The following AP2B1 variants were observed in gnomAD, a reference collection of about 807,000 sequenced individuals.
AP2B1 encodes AP-2 complex subunit beta.
A neutral mutation model predicts 102.0 loss-of-function variants in AP2B1; 23 were observed. That is an observed-to-expected ratio of 0.23 (90% CI 0.16 to 0.32). The LOEUF is 0.32. Among genes scored for constraint, AP2B1 ranks in the 10% least tolerant of loss-of-function variants. AP2B1 has a pLI of 1.00. For missense variants in AP2B1, 541 were observed against 1,157.4 expected, an observed-to-expected ratio of 0.47 and a Z score of 7.73; for synonymous variants, 381 against 421.2, an observed-to-expected ratio of 0.90 and a Z score of 1.17.
chr17:35,676,403 T>A (rs1447899049), intron 17 of AP2B1, among the ~76,000 whole-genome samples: 1 of 152,234 alleles, frequency 6.6e-6, no homozygotes, highest in Admixed American at 6.5e-5. Context: ...TTGTATCTGG[T>A]TTCTTTCTAT....
At chr17:35,711,255 G>A (rs1358223899) in intron 20 of AP2B1, among the ~76,000 whole-genome samples, 3 of 151,926 alleles carry the variant, frequency 2.0e-5, no homozygotes, top group Non-Finnish European at 2.9e-5. Flanking sequence ...AGTGAGCCTT[G>A]GTGCTTGGTC....
intron 20 of AP2B1, 77 bp from the exon 21 acceptor site, chr17:35,717,118 A>G (rs1373439250): frequency 2.0e-6 from 3 of 1,510,634 alleles, no homozygotes; most frequent in African/African-American, 1.4e-5. Context: ...CACATGGCTC[A>G]TAAGGATGTG....
chr17:35,629,083 G>A (rs1319299788), intron 9 of AP2B1, among the ~76,000 whole-genome samples: 1 of 152,006 alleles, frequency 6.6e-6, no homozygotes, highest in Admixed American at 6.6e-5. Flanking sequence ...TGAGTAGCTG[G>A]GATTACAGGC....
At chr17:35,611,851 C>T (rs992425917) in intron 5 of AP2B1, among the ~76,000 whole-genome samples, 3 of 152,156 alleles carry the variant, frequency 2.0e-5, no homozygotes, top group African/African-American at 7.2e-5. Context: ...GCAGGCAGCA[C>T]ATGAATAGGT....
intron 9 of AP2B1, among the ~76,000 whole-genome samples, chr17:35,632,415 G>A (rs34528380): frequency 0.01 from 1,585 of 152,268 alleles, 27 homozygotes; most frequent in African/African-American, 0.036. Context: ...GATTACAGGT[G>A]TAAGCCACTG....
chr17:35,688,819 C>CCAGG (rs1203323044), intron 18 of AP2B1, among the ~76,000 whole-genome samples: 1 of 152,036 alleles, frequency 6.6e-6, no homozygotes, highest in African/African-American at 2.4e-5. Flanking sequence ...CAAAAATTAG[C>CCAGG]CAGGCATGGT....
intron 14 of AP2B1, among the ~76,000 whole-genome samples, chr17:35,662,847 A>G (rs1225437848): frequency 6.6e-6 from 1 of 152,154 alleles, no homozygotes; most frequent in Non-Finnish European, 1.5e-5. Context: ...AAACAGTGCT[A>G]TTGTGTATAT....
At chr17:35,658,555 G>A (rs901825947) in intron 14 of AP2B1, among the ~76,000 whole-genome samples, 25 of 152,158 alleles carry the variant, frequency 1.6e-4, no homozygotes, top group African/African-American at 6.0e-4. Context: ...AAAATAACAA[G>A]TCTATTACAA....
intron 3 of AP2B1, among the ~76,000 whole-genome samples, chr17:35,604,766 A>T (rs1235902315): frequency 6.6e-6 from 1 of 152,196 alleles, no homozygotes. Context: ...TCAAAAAGAA[A>T]AAAAAGGATT....
In AP2B1 at chr17:35,702,725, G is replaced by T. The variant is rs1598326426; in HGVS notation, c.2455-6499G>T. Among the ~76,000 whole-genome samples the T allele has an allele frequency of 2.0e-5, 3 of 152,290 alleles. No homozygotes were observed. In the East Asian group the frequency reaches 5.8e-4, roughly 29 times the overall value. On this transcript the variant is annotated intron_variant, in intron 18 of 21. Transcript: ENST00000610402. ...AGGCAGAGAGACTGTTAAAGGCTTT[G>T]CAGAATCCCATAGTAGTTACCGAGT...
intron 3 of AP2B1, among the ~76,000 whole-genome samples, chr17:35,605,308 G>T (rs564666686): frequency 2.7e-5 from 4 of 150,820 alleles, no homozygotes; most frequent in African/African-American, 9.8e-5. Flanking sequence ...GAGTGCAATG[G>T]TGTGATCTCA....
chr17:35,636,297 G>A (rs542717411), intron 9 of AP2B1, 44 bp from the exon 10 acceptor site: 19 of 1,400,460 alleles, frequency 1.4e-5, no homozygotes, highest in Middle Eastern at 4.1e-4. Context: ...TGGTGTTATC[G>A]CATAGATCAT....
chr17:35,610,254 C>T (rs768899082), intron 5 of AP2B1, among the ~76,000 whole-genome samples: 18 of 149,716 alleles, frequency 1.2e-4, no homozygotes, highest in Non-Finnish European at 2.6e-4. Flanking sequence ...AAGCGATTCT[C>T]CTCCTGCCTC....
At chr17:35,679,250 T>C (rs1346433548) in intron 17 of AP2B1, among the ~76,000 whole-genome samples, 1 of 152,160 alleles carries the variant, frequency 6.6e-6, no homozygotes, top group Non-Finnish European at 1.5e-5. Context: ...TCTAACTTGA[T>C]TCTAGAGGGC....
At position 35,594,060 on chromosome 17, in the gene AP2B1, TA is replaced by T; in HGVS notation, c.36del (p.Gly13GlufsTer6). Reference protein sequence around the residue: MTDSKYFTTNKKGEIFELKAE... With the variant: MTDSKYFTTNXKGEIFELKAE... ...CTGACTCCAAGTATTTCACAACCAA[TA>T]AAAAAGGTAAGTATGAGAATACAAT... On this transcript the variant is annotated frameshift_variant, in exon 2 of 22. Coordinates refer to ENST00000610402, the MANE Select transcript of AP2B1 (RefSeq NM_001030006.2). LOFTEE classifies it high-confidence loss of function. 1.3e-6 allele frequency: 2 copies of T among 1,590,542 alleles called. No individual in the cohort carries two copies. The highest frequency in any genetic ancestry group is 1.7e-6 in the Non-Finnish European group (2 of 1,166,500).
At chr17:35,588,147 A>G (rs1185524046) in intron 1 of AP2B1, among the ~76,000 whole-genome samples, 2 of 147,730 alleles carry the variant, frequency 1.4e-5, no homozygotes, top group African/African-American at 5.0e-5. Flanking sequence ...AAAGTAAAGA[A>G]ACTGGAACGT....
At chr17:35,606,285 G>T (rs1362998133) in intron 4 of AP2B1, among the ~76,000 whole-genome samples, 1 of 151,646 alleles carries the variant, frequency 6.6e-6, no homozygotes, top group Non-Finnish European at 1.5e-5. Flanking sequence ...TGTCACCGAG[G>T]CTGGAGTGCA....
chr17:35,723,609 C>T lies in AP2B1; in HGVS notation c.2782-16C>T, dbSNP rs782525946. On this transcript the variant is annotated splice_polypyrimidine_tract_variant and intron_variant, in intron 21 of 21. Coordinates refer to ENST00000610402, the MANE Select transcript of AP2B1 (RefSeq NM_001030006.2). The stretch of plus-strand genomic sequence containing the variant: ...AACCTCTGTGCTAATCTTCCATCTC[C>T]TTTTTCTCCTAACAGCTGTCACTGA... The T allele has an allele frequency of 1.3e-5, 20 of 1,586,864 alleles. No homozygotes were observed. The East Asian group carries it at 4.5e-4, about 35-fold the overall frequency.
chr17:35,676,867 A>C (rs2075714321), intron 17 of AP2B1, among the ~76,000 whole-genome samples: 1 of 152,050 alleles, frequency 6.6e-6, no homozygotes, highest in Non-Finnish European at 1.5e-5. Flanking sequence ...GGATCGTCTT[A>C]TTATGGAGTT....
Sources: allele counts gnomAD v4.1 joint callset (sites outside exome capture counted in the v4.1 genomes callset), GRCh38; gene constraint gnomAD v4.1.1; transcripts MANE v1.5; gene names NCBI Gene and HGNC (gene_info 2026-07-23, HGNC 2026-07-21).